Variants in KAZN observed in about 807,000 individuals in gnomAD.
The protein encoded by KAZN is kazrin.
KAZN carries 40 observed loss-of-function variants against 87.4 expected under a neutral mutation model. The ratio of observed to expected loss-of-function variants is 0.46; its 90% confidence interval spans 0.36 to 0.60. The LOEUF is 0.60. KAZN is among the 20% of genes least tolerant of loss of function. KAZN has a pLI of 0.00. For synonymous variants in KAZN, 466 were observed against 458.3 expected (o/e 1.02, Z -0.22); for missense variants, 898 against 1,073.9 (o/e 0.84, Z 2.29).
intron 2 of KAZN, among the ~76,000 whole-genome samples, chr1:14,291,056 T>C (rs1017756411): frequency 6.6e-5 from 10 of 152,296 alleles, no homozygotes; most frequent in Middle Eastern, 3.4e-3. Context: ...CTCTGGAAGC[T>C]TCATCCCACA....
At chr1:15,057,280 A>T (rs967558849) in intron 5 of KAZN, among the ~76,000 whole-genome samples, 1 of 152,214 alleles carries the variant, frequency 6.6e-6, no homozygotes, top group Non-Finnish European at 1.5e-5. Flanking sequence ...CAGTTTCCTC[A>T]TGTGTAAAAG....
rs77539671 is a variant in KAZN, at chr1:15,053,607, G to A, written c.727-2484G>A. Among the ~76,000 whole-genome samples the A allele has an allele frequency of 5.0e-3, 769 of 152,330 alleles. 8 individuals are homozygous for A. Among genetic ancestry groups the A allele is most frequent in the African/African-American group, 0.014 (584 of 41,570 alleles). On this transcript the variant is annotated intron_variant, in intron 4 of 14. Transcript: ENST00000376030. ...GTTTTCTTGCCCCACAGGAATGTGG[G>A]CTTAAGGGAAACCACACTGTGCTCC...
chr1:14,130,480 T>C (rs1274448781), intron 1 of KAZN, among the ~76,000 whole-genome samples: 1 of 152,238 alleles, frequency 6.6e-6, no homozygotes, highest in Non-Finnish European at 1.5e-5. Flanking sequence ...ATTTTGTTAA[T>C]GCATGCTGTT....
intron 8 of KAZN, among the ~76,000 whole-genome samples, chr1:15,069,557 T>A (rs1275215053): frequency 1.3e-5 from 2 of 151,312 alleles, no homozygotes; most frequent in African/African-American, 4.9e-5. Flanking sequence ...AACCCGGGAG[T>A]TGGAGCTTGC....
At chr1:14,101,525 G>A (rs1177461209) in intron 1 of KAZN, among the ~76,000 whole-genome samples, 1 of 152,222 alleles carries the variant, frequency 6.6e-6, no homozygotes, top group African/African-American at 2.4e-5. Context: ...AGGGATTGAA[G>A]GGAGAGGGCT....
intron 1 of KAZN, among the ~76,000 whole-genome samples, chr1:14,655,180 G>T (rs978251805): frequency 2.0e-5 from 3 of 146,736 alleles, no homozygotes; most frequent in African/African-American, 2.6e-5. Context: ...ACACTCATCT[G>T]GCCTCTGGTG....
rs191992094 is a variant in KAZN, at chr1:15,056,880, G to T, written c.916+600G>T. On this transcript the variant is annotated intron_variant, in intron 5 of 14. Coordinates refer to ENST00000376030, the MANE Select transcript of KAZN (RefSeq NM_201628.3). The surrounding 1 kb of genome is among the most constrained non-coding windows in gnomAD (Gnocchi z 5.4). ...CCATGGAACAGGCTCCAAACTTCTC[G>T]CTGTCCTGTTGCACGTCTGCAGGCC... Among the ~76,000 whole-genome samples, 12 of 152,198 alleles carry T rather than the reference G, an allele frequency of 7.9e-5. No homozygotes were observed. The highest frequency in any genetic ancestry group is 2.9e-4 in the African/African-American group (12 of 41,428).
At chr1:15,047,199 T>C (rs1673650315) in intron 4 of KAZN, among the ~76,000 whole-genome samples, 2 of 152,208 alleles carry the variant, frequency 1.3e-5, no homozygotes, top group Admixed American at 6.5e-5. Context: ...CACGAGGAGC[T>C]GTGATGACCC....
At chr1:14,784,350 G>A (rs2100659092) in intron 1 of KAZN, among the ~76,000 whole-genome samples, 1 of 152,292 alleles carries the variant, frequency 6.6e-6, no homozygotes, top group South Asian at 2.1e-4. Context: ...CTATAACCTA[G>A]CCAAGTTGAC....
chr1:14,932,391 G>C (rs1659941429), intron 1 of KAZN, among the ~76,000 whole-genome samples: 1 of 152,214 alleles, frequency 6.6e-6, no homozygotes, highest in South Asian at 2.1e-4. Flanking sequence ...CCACGTGGGG[G>C]AGTTTCTATT....
chr1:14,989,535 G>A (rs569204074), intron 2 of KAZN, among the ~76,000 whole-genome samples: 1 of 152,318 alleles, frequency 6.6e-6, no homozygotes, highest in East Asian at 1.9e-4. Context: ...ACCTTCTGTC[G>A]TCCTTGATGG....
At chr1:14,981,573 GGCAGGTTT>G (rs1213066438) in intron 2 of KAZN, among the ~76,000 whole-genome samples, 1 of 152,228 alleles carries the variant, frequency 6.6e-6, no homozygotes, top group African/African-American at 2.4e-5. Context: ...ATAGCCCTGT[GGCAGGTTT>G]GCTGCGGAAG....
At position 15,094,788 on chromosome 1, in the gene KAZN, C is replaced by A. The variant is rs533974137; in HGVS notation, c.1429-27C>A. 6.6e-7 allele frequency: 1 copy of A among 1,522,966 alleles called. No homozygotes were observed. The highest frequency in any genetic ancestry group is 1.2e-5 in the South Asian group (1 of 83,364). The allele number at this position is 1,522,966 out of a possible 1,614,324, so 94.3% of individuals were successfully genotyped here. On this transcript the variant is annotated intron_variant, in intron 9 of 14. Transcript: ENST00000376030. The surrounding 1 kb of genome is among the most constrained non-coding windows in gnomAD (Gnocchi z 4.5). ...ACCCCGCCGGCAGCTGTCCCAGCCC[C>A]CATATGACACTCCCTCCCGGGGGCA...
chr1:14,872,616 C>A (rs563925987), intron 1 of KAZN, among the ~76,000 whole-genome samples: 2 of 152,208 alleles, frequency 1.3e-5, no homozygotes, highest in Admixed American at 1.3e-4. Context: ...AACCACTGAT[C>A]TAAGTGGGGC....
At chr1:14,331,716 T>G (rs1016784707) in intron 2 of KAZN, among the ~76,000 whole-genome samples, 39 of 152,104 alleles carry the variant, frequency 2.6e-4, no homozygotes, top group African/African-American at 8.7e-4. Flanking sequence ...AACTAGAACC[T>G]TCATCTAACC....
chr1:14,148,038 A>C (rs180790443), intron 1 of KAZN, among the ~76,000 whole-genome samples: 1 of 151,984 alleles, frequency 6.6e-6, no homozygotes, highest in Non-Finnish European at 1.5e-5. Context: ...TGGCCAACAT[A>C]GTGAGACCCT....
chr1:15,079,411 A>G (rs1000314), intron 8 of KAZN, among the ~76,000 whole-genome samples: 47,411 of 152,112 alleles, frequency 0.31, 9,016 homozygotes, highest in East Asian at 0.82. Context: ...TGGACACAAG[A>G]TGAAGGACCT....
At chr1:14,477,201 T>A (rs936170782) in intron 2 of KAZN, among the ~76,000 whole-genome samples, 1 of 151,764 alleles carries the variant, frequency 6.6e-6, no homozygotes, top group African/African-American at 2.4e-5. Context: ...TCTCACAAGA[T>A]CTGATGGTTT....
chr1:14,662,324 G>A (rs1252671155), intron 1 of KAZN, among the ~76,000 whole-genome samples: 3 of 152,164 alleles, frequency 2.0e-5, no homozygotes, highest in Non-Finnish European at 4.4e-5. Context: ...GAAGTGGGTT[G>A]CTGACACCAT....
Sources: gnomAD v4.1 joint callset for allele counts (sites outside exome capture counted in the v4.1 genomes callset) on GRCh38, gnomAD v4.1.1 for gene constraint, Gnocchi (gnomAD v3.1) non-coding constraint, MANE v1.5 for transcripts, NCBI Gene and HGNC (gene_info 2026-07-23, HGNC 2026-07-21) for gene names.